GGT7: variants seen among roughly 807,000 people sequenced by gnomAD.
The protein encoded by GGT7 is glutathione hydrolase 7.
Under a neutral mutation model 69.2 loss-of-function variants are expected in GGT7, and 30 were observed. The observed-to-expected ratio is 0.43, with a 90% CI of 0.32 to 0.59. The LOEUF is 0.59. GGT7 is among the 20% of genes least tolerant of loss of function. The pLI is 0.05. For synonymous variants in GGT7, 388 were observed against 391.8 expected, an observed-to-expected ratio of 0.99 and a Z score of 0.12; for missense variants, 733 against 901.1, an observed-to-expected ratio of 0.81 and a Z score of 2.39.
Position 34,872,775 on chromosome 20 carries a change from C to G in GGT7, c.41G>C (p.Gly14Ala), listed in dbSNP as rs762192878. The G allele has an allele frequency of 1.4e-6, 2 of 1,427,730 alleles. No homozygotes were observed. Among genetic ancestry groups the G allele is most frequent in the Non-Finnish European group, 1.8e-6 (2 of 1,085,376 alleles). The allele number at this position is 1,427,730 out of a possible 1,614,324, so 88.4% of individuals were successfully genotyped here. ...CATGTAGTCCACTGGCGAGTAGGCG[C>G]CCAGGGCGCTCTCCTGGCTGGCCTC... Reference protein sequence around the residue: ...ENEASQESALGAYSPVDYMSI... With the variant: ...ENEASQESALAAYSPVDYMSI... Residue 14 changes from glycine to alanine, a missense_variant, in exon 1 of 15, where the codon GGC (glycine) becomes GCC (alanine). Physicochemically the swap from Gly to Ala is moderately conservative, Grantham distance 60. Coordinates refer to ENST00000336431, the MANE Select transcript of GGT7 (RefSeq NM_178026.3).
At chr20:34,869,874 C>T (rs1018995573) in intron 1 of GGT7, among the ~76,000 whole-genome samples, 2 of 152,166 alleles carry the variant, frequency 1.3e-5, no homozygotes, top group African/African-American at 4.8e-5. Flanking sequence ...TCTGGAGACA[C>T]AGGCCTGGGA....
In GGT7 at chr20:34,858,451, T is replaced by G. The variant is rs140749500; in HGVS notation, c.1014+992A>C. 2.7e-3 allele frequency among the ~76,000 whole-genome samples: 416 copies of G among 152,324 alleles called. 1 individual carries two copies. The highest frequency in any genetic ancestry group is 7.9e-3 in the South Asian group (38 of 4,832). ...ATAGGGCTTGGCACAGAGCAGGCACTCTGTGAATGTTGAATGAATAACAGA... is the reference window on the plus strand; with the variant it reads ...ATAGGGCTTGGCACAGAGCAGGCACGCTGTGAATGTTGAATGAATAACAGA... On this transcript the variant is annotated intron_variant, in intron 7 of 14. Coordinates refer to ENST00000336431, the MANE Select transcript of GGT7 (RefSeq NM_178026.3).
chr20:34,859,703 A>C (rs1394455174), intron 6 of GGT7, 64 bp from the exon 7 acceptor site: 3 of 1,342,862 alleles, frequency 2.2e-6, no homozygotes, highest in Non-Finnish European at 3.1e-6. Flanking sequence ...TGAGACGCGC[A>C]ATAGATGGGG....
rs1247951944 is a variant in GGT7 at position 34,861,654 on chromosome 20, T to C, written c.558-92A>G. 1.1e-5 allele frequency: 8 copies of C among 750,200 alleles called. No homozygotes were observed. In the Admixed American group the frequency reaches 1.8e-4, roughly 17 times the overall value. 46.5% of individuals were successfully genotyped at this position (750,200 alleles called of 1,614,324 possible). Reference sequence around the variant, plus strand: ...CCCCTCCACCCCCAGTGGTGAGAGCTGTAGGCTCAGTTTTTCATTTGGGGT... The same window carrying C: ...CCCCTCCACCCCCAGTGGTGAGAGCCGTAGGCTCAGTTTTTCATTTGGGGT... On this transcript the variant is annotated intron_variant, in intron 3 of 14. Coordinates refer to ENST00000336431, the MANE Select transcript of GGT7 (RefSeq NM_178026.3).
At chr20:34,869,172 A>T (rs1280657426) in intron 1 of GGT7, among the ~76,000 whole-genome samples, 1 of 151,182 alleles carries the variant, frequency 6.6e-6, no homozygotes, top group Non-Finnish European at 1.5e-5. Context: ...AAATATATAT[A>T]TATATAAAAT....
chr20:34,853,090 C>G (rs2079425497), intron 10 of GGT7, among the ~76,000 whole-genome samples: 2 of 152,068 alleles, frequency 1.3e-5, no homozygotes, highest in Admixed American at 1.3e-4. Flanking sequence ...TCTGGGATTA[C>G]AGGCACCTGC....
intron 14 of GGT7, among the ~76,000 whole-genome samples, chr20:34,846,896 T>C (rs751994365): frequency 6.6e-6 from 1 of 152,122 alleles, no homozygotes; most frequent in Non-Finnish European, 1.5e-5. Context: ...TGTTTCTACT[T>C]CAGTGCCTTT....
At chr20:34,854,258 T>C (rs1370221743) in intron 10 of GGT7, among the ~76,000 whole-genome samples, 1 of 152,130 alleles carries the variant, frequency 6.6e-6, no homozygotes, top group Non-Finnish European at 1.5e-5. Context: ...TTGAGCTTTC[T>C]TTTCCTACTC....
At chr20:34,868,664 T>A (rs1000843929) in intron 1 of GGT7, among the ~76,000 whole-genome samples, 2 of 152,164 alleles carry the variant, frequency 1.3e-5, no homozygotes, top group Admixed American at 1.3e-4. Context: ...ACTTGGCCAG[T>A]CAGAACAGGT....
At chr20:34,853,561 CAAA>C (rs200997506) in intron 10 of GGT7, among the ~76,000 whole-genome samples, 156 of 112,480 alleles carry the variant, frequency 1.4e-3, no homozygotes, top group Non-Finnish European at 2.0e-3. Flanking sequence ...GACTCCATCT[CAAA>C]AAAAAAAAAA....
chr20:34,861,247 C>T (rs1166107346), intron 4 of GGT7, 198 bp downstream of exon 4: 2 of 389,260 alleles, frequency 5.1e-6, no homozygotes, highest in East Asian at 7.4e-5. Context: ...GGTAAGATTC[C>T]CAGAGAAGTA....
Position 34,856,906 on chromosome 20 carries a change from GA to G in GGT7, c.1015-14del. ...CTGCGTGCTGAGCCTGGAGGGAAGA[GA>G]ATGAGGGAATGACCTCCCACCACTG... On this transcript the variant is annotated splice_polypyrimidine_tract_variant and intron_variant, in intron 7 of 14. Transcript: ENST00000336431. The G allele has an allele frequency of 6.6e-7, 1 of 1,513,022 alleles. No homozygotes were observed. Among genetic ancestry groups the G allele is most frequent in the Non-Finnish European group, 9.2e-7 (1 of 1,088,720 alleles). 93.7% of individuals were successfully genotyped at this position (1,513,022 alleles called of 1,614,324 possible).
chr20:34,851,555 G>A (rs2079393100), intron 12 of GGT7, among the ~76,000 whole-genome samples, 187 bp from the exon 13 acceptor site: 2 of 152,162 alleles, frequency 1.3e-5, no homozygotes, highest in South Asian at 4.1e-4. Flanking sequence ...GCCTGGATGG[G>A]TGGGGTGGAT....
chr20:34,862,357 A>G (rs1001170363), intron 3 of GGT7, among the ~76,000 whole-genome samples: 1 of 152,230 alleles, frequency 6.6e-6, no homozygotes, highest in African/African-American at 2.4e-5. Context: ...TTCAGTGTCT[A>G]AACCAAACCA....
At chr20:34,854,477 T>C (rs2079453610) in intron 10 of GGT7, 54 bp downstream of exon 10, 2 of 1,103,972 alleles carry the variant, frequency 1.8e-6, no homozygotes, top group Admixed American at 1.8e-5. Flanking sequence ...CTCCTGACCC[T>C]TTCCCCACAC....
chr20:34,866,925 T>C (rs758955286), intron 1 of GGT7, among the ~76,000 whole-genome samples: 2 of 152,082 alleles, frequency 1.3e-5, no homozygotes, highest in African/African-American at 2.4e-5. Context: ...TCTGAGACTC[T>C]CCCTCACTTC....
chr20:34,859,895 G>T, intron 6 of GGT7, 74 bp downstream of exon 6: 3 of 1,100,894 alleles, frequency 2.7e-6, no homozygotes, highest in Non-Finnish European at 4.1e-6. Context: ...TCTCTGGCTT[G>T]GGCTCCAAAT....
In GGT7 at chr20:34,872,837, G is replaced by A. The variant is rs1466970068; in HGVS notation, c.-22C>T. ...CCATCCTCGCCCGCGCCCCCCAGCA[G>A]CGCAGCGCCTGCCGGAAGTGGCTGC... On this transcript the variant is annotated 5_prime_UTR_variant, in exon 1 of 15. Coordinates refer to ENST00000336431, the MANE Select transcript of GGT7 (RefSeq NM_178026.3). The A allele has an allele frequency of 1.5e-6, 2 of 1,324,898 alleles. No individual in the cohort carries two copies. The highest frequency in any genetic ancestry group is 4.1e-5 in the South Asian group (2 of 48,908). 82.1% of individuals were successfully genotyped at this position (1,324,898 alleles called of 1,614,324 possible). A position where few individuals can be genotyped will look rare whatever the true frequency, so the allele number is the denominator to read the frequency against.
rs965009298 is a variant in GGT7 at position 34,854,562 on chromosome 20, T to C, written c.1288A>G (p.Thr430Ala). 2 of 1,612,834 alleles carry C rather than the reference T, an allele frequency of 1.2e-6. No individual in the cohort carries two copies. Among genetic ancestry groups the C allele is most frequent in the Admixed American group, 1.7e-5 (1 of 59,976 alleles). ...ATGTCATCCATGCTCTCAGTGATGGTAGAATCATAGACGGGATCTCCCAGT... is the reference window on the plus strand; with the variant it reads ...ATGTCATCCATGCTCTCAGTGATGGCAGAATCATAGACGGGATCTCCCAGT... ...SRLGDPVYDS[T>A]ITESMDDMLS... Residue 430 changes from threonine to alanine, a missense_variant, in exon 10 of 15, where the codon ACC becomes GCC. By Grantham distance (58) the Thr-to-Ala change is moderately conservative. Transcript: ENST00000336431.
Sources: gnomAD v4.1 joint callset for allele counts (sites outside exome capture counted in the v4.1 genomes callset) on GRCh38, gnomAD v4.1.1 for gene constraint, MANE v1.5 for transcripts, NCBI Gene and HGNC (gene_info 2026-07-23, HGNC 2026-07-21) for gene names.